The following HSPB7 variants were observed in gnomAD, a reference collection of about 807,000 sequenced individuals.
HSPB7 encodes the protein heat shock protein family B (small) member 7.
In HSPB7, 9 loss-of-function variants were observed where a neutral mutation model predicts 11.0. That is an observed-to-expected ratio of 0.82 (90% confidence interval 0.49 to 1.43). The LOEUF (loss-of-function observed/expected upper bound fraction) is 1.43. HSPB7 is among the 40% of genes most tolerant of loss of function. HSPB7 has a pLI of 0.00. For synonymous variants in HSPB7, 102 were observed against 101.6 expected (o/e 1.00, Z -0.02); for missense variants, 246 against 243.9 (o/e 1.01, Z -0.06).
chr1:16,015,555 A>T lies in HSPB7; in HGVS notation c.*25T>A. ...TTGCTGGCAGGCGTGGGGCGGGGGG[A>T]CAGGGAAAGGGAAGGGAGAGGCACT... is the stretch of plus-strand genomic sequence containing the variant. On this transcript the variant is annotated 3_prime_UTR_variant, in exon 3 of 3. Transcript: ENST00000311890. The surrounding 1 kb of genome is among the most constrained non-coding windows in gnomAD (Gnocchi z 4.9). The T allele has an allele frequency of 6.2e-7, 1 of 1,609,212 alleles. No individual in the cohort carries two copies. Among genetic ancestry groups the T allele is most frequent in the Non-Finnish European group, 8.5e-7 (1 of 1,176,414 alleles).
chr1:16,019,471 A>G (rs1357787640), upstream of HSPB7: 1 of 1,543,272 alleles, frequency 6.5e-7, no homozygotes, highest in South Asian at 1.2e-5. Flanking sequence ...TCTCCCCATT[A>G]GATTGAAGGT....
Position 16,014,408 on chromosome 1 carries a change from T to C in HSPB7, c.*1172A>G, listed in dbSNP as rs1031541207. ...GTTGCATAGCCTTAGAGAGGTAGAA[T>C]GAGGGGAAATACTCCTCAGTGCCCA... On this transcript the variant is annotated 3_prime_UTR_variant, in exon 3 of 3. Coordinates refer to ENST00000311890, the MANE Select transcript of HSPB7 (RefSeq NM_014424.5). The C allele has an allele frequency of 6.6e-6, 1 of 152,120 alleles. No homozygotes were observed. Among genetic ancestry groups the C allele is most frequent in the African/African-American group, 2.4e-5 (1 of 41,390 alleles). The allele number at this position is 152,120 out of a possible 1,614,324, so 9.4% of individuals were successfully genotyped here.
chr1:16,018,191 C>T (rs537697407), upstream of HSPB7: 107 of 1,510,842 alleles, frequency 7.1e-5, no homozygotes, highest in Non-Finnish European at 9.2e-5. Context: ...GACAGCCCGA[C>T]ACGCAGGCCG....
rs780236302 is a variant in HSPB7 at position 16,017,843 on chromosome 1, T to C, written c.121A>G (p.Met41Val). 1.9e-6 allele frequency: 3 copies of C among 1,613,770 alleles called. No homozygotes were observed. The highest frequency in any genetic ancestry group is 2.5e-6 in the Non-Finnish European group (3 of 1,179,854). ...SRALPAQDPP[M>V]EKALSMFSDD... ...GAAAACATGCTCAGGGCCTTCTCCA[T>C]GGGCGGGTCCTGGGCCGGGAGAGCA... Residue 41 changes from methionine to valine, a missense_variant, in exon 1 of 3, where the codon ATG (methionine) becomes GTG (valine). Physicochemically the swap from Met to Val is conservative, Grantham distance 21. Coordinates refer to ENST00000311890, the MANE Select transcript of HSPB7 (RefSeq NM_014424.5).
At chr1:16,019,358 G>T, upstream of HSPB7, 1 of 1,448,578 alleles carries the variant, frequency 6.9e-7, no homozygotes, top group Non-Finnish European at 9.5e-7. Flanking sequence ...TCCTCCCACA[G>T]CACCTGGCAG....
upstream of HSPB7, chr1:16,019,370 G>GTGACATA: frequency 6.8e-7 from 1 of 1,467,778 alleles, no homozygotes. Flanking sequence ...ACCTGGCAGT[G>GTGACATA]TGACATAGTC....
In HSPB7 at chr1:16,017,062, T is replaced by TG. The variant is rs1260994811; in HGVS notation, c.333+11dup. On this transcript the variant is annotated intron_variant, in intron 2 of 2. Transcript: ENST00000311890. ...AATTTGGGATGCGGTGAGTAGGGGG[T>TG]GGGGGGCTCACCTTCTCAGCCCGCA... 3 of 1,598,940 alleles carry TG rather than the reference T, an allele frequency of 1.9e-6. No homozygotes were observed. The highest frequency in any genetic ancestry group is 2.2e-5 in the South Asian group (2 of 90,576).
chr1:16,017,179 C>G lies in HSPB7; in HGVS notation c.228G>C (p.Lys76Asn). The G allele has an allele frequency of 1.9e-6, 3 of 1,613,608 alleles. No homozygotes were observed. The highest frequency in any genetic ancestry group is 2.5e-6 in the Non-Finnish European group (3 of 1,179,608). The change falls in exon 2 of 3, where the codon AAG (lysine) becomes AAC (asparagine). Residue 76 changes from lysine to asparagine, a missense_variant. Coordinates refer to ENST00000311890, the MANE Select transcript of HSPB7 (RefSeq NM_014424.5). ...PARPGGAGNI[K>N]TLGDAYEFAV... ...CAAACTCATAGGCGTCTCCTAGGGT[C>G]TTGATGTTGCCTGCCCCACCGGGGC...
In HSPB7 at chr1:16,018,037, C is replaced by T. The variant is rs758487635; in HGVS notation, c.-74G>A. ...GAGGGTGTGGGCGCAGGCCTCTGGGCGAGCGTGCCAGGCTCCGACTGCGGC... is the reference window on the plus strand; with the variant it reads ...GAGGGTGTGGGCGCAGGCCTCTGGGTGAGCGTGCCAGGCTCCGACTGCGGC... On this transcript the variant is annotated 5_prime_UTR_variant, in exon 1 of 3. Coordinates refer to ENST00000311890, the MANE Select transcript of HSPB7 (RefSeq NM_014424.5). The T allele has an allele frequency of 3.2e-5, 52 of 1,609,214 alleles. No individual in the cohort carries two copies. The highest frequency in any genetic ancestry group is 1.7e-4 in the Middle Eastern group (1 of 6,022).
Position 16,015,065 on chromosome 1 carries a change from G to C in HSPB7, c.*515C>G, listed in dbSNP as rs35441766. 1.3e-5 allele frequency: 2 copies of C among 153,216 alleles called. No homozygotes were observed. Among genetic ancestry groups the C allele is most frequent in the Non-Finnish European group, 2.9e-5 (2 of 68,690 alleles). 9.5% of individuals were successfully genotyped at this position (153,216 alleles called of 1,614,324 possible). On this transcript the variant is annotated 3_prime_UTR_variant, in exon 3 of 3. Coordinates refer to ENST00000311890, the MANE Select transcript of HSPB7 (RefSeq NM_014424.5). This position sits in a 1 kb window ranked among gnomAD's most constrained non-coding sequence, Gnocchi z 4.9. ...GAGGCTGGTAGAGGGGAAGTTTACCGTCACGGCTGTCTCCTCTTGGCCTTG... is the reference window on the plus strand; with the variant it reads ...GAGGCTGGTAGAGGGGAAGTTTACCCTCACGGCTGTCTCCTCTTGGCCTTG...
chr1:16,019,282 C>T, upstream of HSPB7: 1 of 1,476,032 alleles, frequency 6.8e-7, no homozygotes, highest in Non-Finnish European at 9.3e-7. Flanking sequence ...AGGGAGGCCT[C>T]TCTGACTGCT....
intron 2 of HSPB7, among the ~76,000 whole-genome samples, chr1:16,016,380 C>A (rs577004722): frequency 9.9e-5 from 15 of 152,190 alleles, no homozygotes; most frequent in Non-Finnish European, 2.2e-4. Flanking sequence ...TCCTGGCAGC[C>A]GTGGCTGTCC....
Position 16,015,591 on chromosome 1 carries a change from T to C in HSPB7, c.502A>G (p.Ile168Val). The change falls in exon 3 of 3, where the codon ATC (isoleucine) becomes GTC (valine). Residue 168 changes from isoleucine to valine, a missense_variant. Physicochemically the swap from Ile to Val is conservative, Grantham distance 29 (BLOSUM62 3). Transcript: ENST00000311890. This position sits in a 1 kb window ranked among gnomAD's most constrained non-coding sequence, Gnocchi z 4.9. Reference protein sequence around the residue: ...EHVQQTFRTEIKI With the variant: ...EHVQQTFRTEVKI ...GAAGGGAGAGGCACTCAGATTTTGA[T>C]CTCCGTCCGGAAGGTCTGCTGGACG... 6.2e-7 allele frequency: 1 copy of C among 1,613,948 alleles called. No individual in the cohort carries two copies. Among genetic ancestry groups the C allele is most frequent in the Non-Finnish European group, 8.5e-7 (1 of 1,179,928 alleles).
rs1048334 is a variant in HSPB7 at position 16,014,266 on chromosome 1, T to C, written c.*1314A>G. The C allele has an allele frequency of 0.61, 93,513 of 152,090 alleles. 29,266 individuals are homozygous for C. Among genetic ancestry groups the C allele is most frequent in the East Asian group, 0.77 (3,993 of 5,156 alleles). The allele number at this position is 152,090 out of a possible 1,614,324, so 9.4% of individuals were successfully genotyped here. ...ATGTGGGAGACGAAACCAAGAGTCA[T>C]TGGGGGCAGCAGGCATTTCCCAGGG... On this transcript the variant is annotated 3_prime_UTR_variant, in exon 3 of 3. Coordinates refer to ENST00000311890, the MANE Select transcript of HSPB7 (RefSeq NM_014424.5).
upstream of HSPB7, chr1:16,018,717 A>T: frequency 1.9e-6 from 2 of 1,036,714 alleles, no homozygotes; most frequent in Non-Finnish European, 2.3e-6. Flanking sequence ...GTTCCCGGCA[A>T]CTGTCTGCTC....
upstream of HSPB7, chr1:16,018,765 G>A (rs2021951151): frequency 3.7e-6 from 4 of 1,085,460 alleles, no homozygotes; most frequent in South Asian, 1.3e-4. Context: ...GAGCGCCTTA[G>A]GTGGGATTTC....
upstream of HSPB7, chr1:16,018,962 G>C: frequency 6.8e-6 from 7 of 1,030,300 alleles, no homozygotes; most frequent in South Asian, 1.7e-5. Context: ...GAAAGGGCGG[G>C]GCTCGCAGTT....
upstream of HSPB7, chr1:16,018,763 T>C: frequency 1.9e-6 from 2 of 1,079,136 alleles, no homozygotes; most frequent in South Asian, 6.7e-5. Flanking sequence ...GCGAGCGCCT[T>C]AGGTGGGATT....
chr1:16,018,362 C>T (rs1557441569), upstream of HSPB7: 16 of 1,203,484 alleles, frequency 1.3e-5, no homozygotes, highest in Non-Finnish European at 1.6e-5. Context: ...TTTGTTTCCC[C>T]CGTCAGCCTG....
Sources: gnomAD v4.1 joint callset for allele counts (sites outside exome capture counted in the v4.1 genomes callset) on GRCh38, gnomAD v4.1.1 for gene constraint, Gnocchi (gnomAD v3.1) non-coding constraint, MANE v1.5 for transcripts, NCBI Gene and HGNC (gene_info 2026-07-23, HGNC 2026-07-21) for gene names.